The following MGA variants were observed in gnomAD, a reference collection of about 807,000 sequenced individuals.
MGA encodes MAX gene-associated protein.
MGA carries 40 observed loss-of-function variants against 261.1 expected under a neutral mutation model. The observed-to-expected ratio is 0.15, with a 90% CI of 0.12 to 0.20. The LOEUF is 0.20. MGA is among the 10% of genes least tolerant of loss of function. MGA has a pLI of 1.00. For missense variants in MGA, 3,397 were observed against 3,630.5 expected, an observed-to-expected ratio of 0.94 and a Z score of 1.65; for synonymous variants, 1,302 against 1,290.6, an observed-to-expected ratio of 1.01 and a Z score of -0.19.
At chr15:41,728,279 C>A (rs1436835529) in intron 10 of MGA, among the ~76,000 whole-genome samples, 1 of 152,024 alleles carries the variant, frequency 6.6e-6, no homozygotes, top group African/African-American at 2.4e-5. Context: ...TGTGGTGAGC[C>A]GAGATTGCTC....
chr15:41,688,095 A>G (rs2059060043), intron 2 of MGA, among the ~76,000 whole-genome samples: 1 of 152,170 alleles, frequency 6.6e-6, no homozygotes. Context: ...TTTTATTTTG[A>G]GATGGAACCT....
chr15:41,757,868 C>T, intron 19 of MGA, 29 bp downstream of exon 19: 1 of 1,541,562 alleles, frequency 6.5e-7, no homozygotes, highest in Non-Finnish European at 8.9e-7. Context: ...GTGATAATTA[C>T]TCATTGAATA....
intron 2 of MGA, among the ~76,000 whole-genome samples, chr15:41,687,268 A>G (rs1438852014): frequency 6.6e-6 from 1 of 152,144 alleles, no homozygotes; most frequent in East Asian, 1.9e-4. Flanking sequence ...TTGGCTTGTA[A>G]GCTAAGAATG....
Position 41,704,716 on chromosome 15 carries a change from G to A in MGA, c.2189-3012G>A, listed in dbSNP as rs992891852. ...AGCTGGAGTTTTCCTTATAATATGT[G>A]CTTTTCTATTCTGTGTTTACTACTT... On this transcript the variant is annotated intron_variant, in intron 5 of 23. Coordinates refer to ENST00000219905, the MANE Select transcript of MGA (RefSeq NM_001164273.2). Among the ~76,000 whole-genome samples the A allele has an allele frequency of 2.0e-5, 3 of 152,076 alleles. No individual in the cohort carries two copies. In the South Asian group the frequency reaches 6.2e-4, roughly 32 times the overall value.
intron 3 of MGA, among the ~76,000 whole-genome samples, chr15:41,697,561 C>T (rs1003464038): frequency 1.3e-5 from 2 of 151,716 alleles, no homozygotes; most frequent in South Asian, 2.1e-4. Context: ...GGATTACAGG[C>T]GTGTGCCACC....
intron 2 of MGA, among the ~76,000 whole-genome samples, chr15:41,676,938 C>G (rs1030891711): frequency 7.9e-5 from 12 of 152,282 alleles, no homozygotes; most frequent in Admixed American, 3.9e-4. Flanking sequence ...GCTTTCCCCC[C>G]CAAAATCCCA....
At chr15:41,629,904 A>G (rs1275591708) in intron 1 of MGA, among the ~76,000 whole-genome samples, 1 of 152,200 alleles carries the variant, frequency 6.6e-6, no homozygotes, top group Non-Finnish European at 1.5e-5. Flanking sequence ...GCAACATGTA[A>G]ATAGTATAAC....
rs745317244 is a variant in MGA, at chr15:41,766,751, T to C, written c.8669T>C (p.Val2890Ala). ...ACTGGTTTGAAAGAGTTGCCTGATG[T>C]TCAAGGGGAGAGTGACTCTATCAGT... Residue 2890 changes from valine (V) to alanine (A), a missense_variant, in exon 24 of 24, where the codon GTT becomes GCT. By Grantham distance (64) the Val-to-Ala change is moderately conservative (BLOSUM62 0). This residue lies in a region of MGA where 647 missense variants were observed against 642.4 expected (regional missense o/e 1.01). Transcript: ENST00000219905. The C allele has an allele frequency of 9.3e-6, 15 of 1,613,856 alleles. No individual in the cohort carries two copies. In the Middle Eastern group the frequency reaches 6.6e-4, roughly 71 times the overall value.
chr15:41,623,609 C>T (rs1053107161), intron 1 of MGA, among the ~76,000 whole-genome samples: 4 of 151,436 alleles, frequency 2.6e-5, no homozygotes, highest in Non-Finnish European at 4.4e-5. Flanking sequence ...CCGGGTGTGG[C>T]GATGCATGCC....
chr15:41,653,328 C>A lies in MGA; in HGVS notation c.-67-15500C>A, dbSNP rs566601611. Among the ~76,000 whole-genome samples the A allele has an allele frequency of 2.0e-5, 3 of 150,742 alleles. No individual in the cohort carries two copies. In the South Asian group the frequency reaches 6.3e-4, roughly 32 times the overall value. ...AGGTTGCAGTGAGCCAAGATCATGCCATTGCACTCCAGCCTGGGTGACAGA... is the reference window on the plus strand; with the variant it reads ...AGGTTGCAGTGAGCCAAGATCATGCAATTGCACTCCAGCCTGGGTGACAGA... On this transcript the variant is annotated intron_variant, in intron 1 of 8. Coordinates refer to the MGA transcript ENST00000566718.
In MGA at chr15:41,767,310, T is replaced by G; in HGVS notation, c.*30T>G. ...ACTTGTCCTTAAGCAGAAGCCAGGC[T>G]GTGAGGGGAAATAGATCTCACCTCC... On this transcript the variant is annotated 3_prime_UTR_variant, in exon 24 of 24. Transcript: ENST00000219905. The G allele has an allele frequency of 6.4e-7, 1 of 1,570,778 alleles. No individual in the cohort carries two copies. The highest frequency in any genetic ancestry group is 8.6e-7 in the Non-Finnish European group (1 of 1,157,766).
At chr15:41,735,100 C>G (rs1236229027) in intron 12 of MGA, among the ~76,000 whole-genome samples, 1 of 152,168 alleles carries the variant, frequency 6.6e-6, no homozygotes, top group Non-Finnish European at 1.5e-5. Context: ...GGCTTCCTAA[C>G]TTCTTAAAAA....
intron 2 of MGA, among the ~76,000 whole-genome samples, chr15:41,676,148 T>A (rs1374426035): frequency 6.6e-6 from 1 of 152,184 alleles, no homozygotes; most frequent in African/African-American, 2.4e-5. Context: ...TGCAAGTGAG[T>A]GAGAATGACA....
In MGA at chr15:41,754,472, G is replaced by C. The variant is rs1264463910; in HGVS notation, c.7044G>C (p.Glu2348Asp). The change falls in exon 18 of 24, where the codon GAG (glutamate) becomes GAC (aspartate). Residue 2348 changes from glutamate to aspartate, a missense_variant. This residue lies in a region of MGA where 1,410 missense variants were observed against 1,386.4 expected (regional missense o/e 1.02). Transcript: ENST00000219905. The stretch of plus-strand genomic sequence containing the variant: ...TAGAATACATTGAGGATGATGAGGA[G>C]CACGTGGACATTGAGACTGTAGAAG... The C allele has an allele frequency of 6.4e-7, 1 of 1,558,842 alleles. No homozygotes were observed. Among genetic ancestry groups the C allele is most frequent in the East Asian group, 2.4e-5 (1 of 42,254 alleles).
rs183459037 is a variant in MGA, at chr15:41,750,749, T to C, written c.7008+134T>C. 1.2e-5 allele frequency: 9 copies of C among 781,760 alleles called. No individual in the cohort carries two copies. The Admixed American group carries it at 2.6e-4, about 23-fold the overall frequency. The allele number at this position is 781,760 out of a possible 1,614,324, so 48.4% of individuals were successfully genotyped here. On this transcript the variant is annotated intron_variant, in intron 17 of 23. Transcript: ENST00000219905. Reference sequence around the variant, plus strand: ...CCTAGGTTTAAGATTATGACTTAAATGGCTTAGTAGTTCTTTAGGCTGTGT... The same window carrying C: ...CCTAGGTTTAAGATTATGACTTAAACGGCTTAGTAGTTCTTTAGGCTGTGT...
At chr15:41,640,573 A>G (rs1020318392) in intron 1 of MGA, among the ~76,000 whole-genome samples, 1 of 151,898 alleles carries the variant, frequency 6.6e-6, no homozygotes, top group Non-Finnish European at 1.5e-5. Flanking sequence ...AGGCTGGAAT[A>G]CAATGGTGCG....
Position 41,769,790 on chromosome 15 carries a change from T to A in MGA, c.*2510T>A, listed in dbSNP as rs1023170451. The stretch of plus-strand genomic sequence containing the variant: ...TTTTAAGAATATAATTATGTCAGAT[T>A]TAGCATTTTCTTTTATATATTAAAT... On this transcript the variant is annotated 3_prime_UTR_variant, in exon 24 of 24. Transcript: ENST00000219905. The A allele has an allele frequency of 6.5e-6, 1 of 152,750 alleles. No homozygotes were observed. The allele number at this position is 152,750 out of a possible 1,614,324, so 9.5% of individuals were successfully genotyped here.
chr15:41,685,520 TC>T (rs1392069251), intron 2 of MGA, among the ~76,000 whole-genome samples: 1 of 152,174 alleles, frequency 6.6e-6, no homozygotes, highest in Non-Finnish European at 1.5e-5. Context: ...GAATAATAGA[TC>T]CAGTTGAAAA....
rs767042311 is a variant in MGA, at chr15:41,736,467, A to C, written c.4203A>C (p.Ser1401=). The C allele has an allele frequency of 6.2e-7, 1 of 1,614,056 alleles. No homozygotes were observed. Among genetic ancestry groups the C allele is most frequent in the Non-Finnish European group, 8.5e-7 (1 of 1,179,896 alleles). The change falls in exon 13 of 24, where the codon TCA becomes TCC. Residue 1401 remains serine (S), a synonymous_variant. Coordinates refer to ENST00000219905, the MANE Select transcript of MGA (RefSeq NM_001164273.2). Reference sequence around the variant, plus strand: ...CTCGTGTGAAAATCTCTATGCCATCATGTCAAGACCAAGATGATATGGCTG... The same window carrying C: ...CTCGTGTGAAAATCTCTATGCCATCCTGTCAAGACCAAGATGATATGGCTG...
Sources: allele counts gnomAD v4.1 joint callset (sites outside exome capture counted in the v4.1 genomes callset), GRCh38; gene constraint gnomAD v4.1.1; regional missense constraint gnomAD v4.1.1; transcripts MANE v1.5; gene names NCBI Gene and HGNC (gene_info 2026-07-23, HGNC 2026-07-21).